WDR7: variants seen among roughly 807,000 people sequenced by gnomAD.
The protein encoded by WDR7 is WD repeat-containing protein 7.
In WDR7, 46 loss-of-function variants were observed where a neutral mutation model predicts 169.4. The ratio of observed to expected loss-of-function variants is 0.27; its 90% CI spans 0.21 to 0.35. WDR7 has a LOEUF of 0.35. Ranked by LOEUF, WDR7 falls within the 10% of genes least tolerant of loss-of-function variation. The pLI, the probability that WDR7 is intolerant of heterozygous loss-of-function variation, is 1.00. For missense variants in WDR7, 1,534 were observed against 1,859.3 expected (o/e 0.83, Z 3.22); for synonymous variants, 612 against 666.8 (o/e 0.92, Z 1.27).
intron 7 of WDR7, among the ~76,000 whole-genome samples, chr18:56,688,897 A>G (rs1402506716): frequency 6.6e-6 from 1 of 152,204 alleles, no homozygotes; most frequent in East Asian, 1.9e-4. Context: ...AAATGCATAC[A>G]TAAGAGTAAA....
At chr18:57,017,082 G>C (rs911266084) in intron 26 of WDR7, among the ~76,000 whole-genome samples, 1 of 152,208 alleles carries the variant, frequency 6.6e-6, no homozygotes, top group Non-Finnish European at 1.5e-5. Context: ...AGTTCTGTGC[G>C]ATCCGCACAG....
chr18:56,826,233 A>C (rs1381443031), intron 20 of WDR7, among the ~76,000 whole-genome samples: 1 of 152,222 alleles, frequency 6.6e-6, no homozygotes, highest in Non-Finnish European at 1.5e-5. Flanking sequence ...TGCCCTTATA[A>C]TTGATATCAA....
chr18:56,750,917 C>T (rs2043780931), intron 14 of WDR7, among the ~76,000 whole-genome samples: 1 of 152,126 alleles, frequency 6.6e-6, no homozygotes, highest in Admixed American at 6.6e-5. Context: ...TCAGTTAAAT[C>T]TATTGTCAGG....
At chr18:56,730,042 A>T (rs1598996988) in intron 13 of WDR7, among the ~76,000 whole-genome samples, 1 of 151,824 alleles carries the variant, frequency 6.6e-6, no homozygotes, top group East Asian at 1.9e-4. Context: ...TTTTTTTCTC[A>T]TAGATTTGTT....
chr18:56,940,323 A>G (rs2047016866), intron 25 of WDR7, among the ~76,000 whole-genome samples: 1 of 152,220 alleles, frequency 6.6e-6, no homozygotes, highest in African/African-American at 2.4e-5. Flanking sequence ...AATGTATTTC[A>G]GCACGTGATT....
rs144344496 is a variant in WDR7, at chr18:56,757,379, T to C, written c.2759+27T>C. ...TGTGACCATGATAGTTTGATTTTAT[T>C]CTTAAGTTTCAAAAAAAGAAACCTG... On this transcript the variant is annotated intron_variant, in intron 15 of 27. Transcript: ENST00000254442. The C allele has an allele frequency of 4.4e-4, 671 of 1,511,030 alleles. 3 individuals are homozygous for C. Among genetic ancestry groups the C allele is most frequent in the Middle Eastern group, 3.7e-3 (21 of 5,634 alleles). 93.6% of individuals were successfully genotyped at this position (1,511,030 alleles called of 1,614,324 possible). A position where few individuals can be genotyped will look rare whatever the true frequency, so the allele number is the denominator to read the frequency against.
At chr18:57,022,004 G>A (rs747519181) in intron 27 of WDR7, among the ~76,000 whole-genome samples, 2 of 152,176 alleles carry the variant, frequency 1.3e-5, no homozygotes, top group Non-Finnish European at 2.9e-5. Flanking sequence ...TAGTTTTCCA[G>A]TTTATTTTCT....
chr18:56,698,447 C>A (rs615702), intron 12 of WDR7, among the ~76,000 whole-genome samples: 23,327 of 151,084 alleles, frequency 0.15, 2,111 homozygotes, highest in African/African-American at 0.24. Flanking sequence ...TCTACTAAAA[C>A]TACAAAAAAT....
At chr18:56,721,809 T>G (rs2026328928) in intron 13 of WDR7, 1 of 152,242 alleles carries the variant, frequency 6.6e-6, no homozygotes, top group Non-Finnish European at 1.5e-5. Context: ...AACCACATTC[T>G]CATCTGGCTT....
chr18:56,795,120 G>C (rs927102049), intron 19 of WDR7, among the ~76,000 whole-genome samples: 2 of 152,160 alleles, frequency 1.3e-5, no homozygotes, highest in Non-Finnish European at 2.9e-5. Context: ...TGAATTCATG[G>C]ATTGAAACGT....
chr18:56,666,944 A>C (rs1367282355), intron 1 of WDR7, among the ~76,000 whole-genome samples: 2 of 151,348 alleles, frequency 1.3e-5, no homozygotes, highest in Non-Finnish European at 2.9e-5. Context: ...TAAATGCTTA[A>C]ATATAAAAAA....
intron 1 of WDR7, among the ~76,000 whole-genome samples, chr18:56,654,324 G>A (rs1298557062): frequency 6.6e-6 from 1 of 152,144 alleles, no homozygotes; most frequent in Non-Finnish European, 1.5e-5. Flanking sequence ...AAGAGACGGA[G>A]TTTCACTATG....
intron 19 of WDR7, 131 bp from the exon 20 acceptor site, chr18:56,815,900 T>C (rs933653809): frequency 4.4e-6 from 3 of 684,940 alleles, no homozygotes; most frequent in African/African-American, 1.8e-5. Flanking sequence ...GTGTCTCTAA[T>C]TTTGGTGAAC....
In WDR7 at chr18:56,695,053, T is replaced by C. The variant is rs749450042; in HGVS notation, c.1212T>C (p.Asn404=). The change falls in exon 11 of 28, where the codon AAT becomes AAC. Residue 404 remains asparagine (N), a synonymous_variant. Transcript: ENST00000254442. Reference sequence around the variant, plus strand: ...AGCTGAGTGTGATTCCCAATAGTAATGAACCTCTTAAAGTAACTGCAAGTG... The same window carrying C: ...AGCTGAGTGTGATTCCCAATAGTAACGAACCTCTTAAAGTAACTGCAAGTG... ...IDQLSVIPNS[N]EPLKVTASVY... 1.2e-6 allele frequency: 2 copies of C among 1,614,080 alleles called. No homozygotes were observed. The highest frequency in any genetic ancestry group is 2.7e-5 in the African/African-American group (2 of 74,932).
At chr18:56,729,340 GAT>G (rs2026532501) in intron 13 of WDR7, among the ~76,000 whole-genome samples, 3 of 152,066 alleles carry the variant, frequency 2.0e-5, no homozygotes, top group East Asian at 1.9e-4. Flanking sequence ...GTAAAAAATT[GAT>G]ATGTTACAAA....
intron 26 of WDR7, among the ~76,000 whole-genome samples, chr18:57,002,557 A>G (rs1030338303): frequency 2.0e-5 from 3 of 152,214 alleles, no homozygotes; most frequent in African/African-American, 7.2e-5. Flanking sequence ...AAGAGGATAT[A>G]AGAAGCTATT....
At chr18:56,981,140 A>T (rs1227097986) in intron 26 of WDR7, among the ~76,000 whole-genome samples, 1 of 152,202 alleles carries the variant, frequency 6.6e-6, no homozygotes, top group Non-Finnish European at 1.5e-5. Flanking sequence ...CCAATTTAAG[A>T]TAAAGCCTAA....
At chr18:56,729,573 C>T (rs1237269528) in intron 13 of WDR7, among the ~76,000 whole-genome samples, 1 of 151,924 alleles carries the variant, frequency 6.6e-6, no homozygotes, top group Non-Finnish European at 1.5e-5. Context: ...TGCTTTTAAA[C>T]ATTGTTTTTG....
intron 12 of WDR7, among the ~76,000 whole-genome samples, chr18:56,710,625 A>G (rs1172793498): frequency 2.0e-5 from 3 of 152,136 alleles, no homozygotes; most frequent in African/African-American, 7.2e-5. Flanking sequence ...AGTCTACTCA[A>G]TGAAAGTATC....
Sources: allele counts gnomAD v4.1 joint callset (sites outside exome capture counted in the v4.1 genomes callset), GRCh38; gene constraint gnomAD v4.1.1; transcripts MANE v1.5; gene names NCBI Gene and HGNC (gene_info 2026-07-23, HGNC 2026-07-21).